Variants in CDH11 observed in about 807,000 individuals in gnomAD.
The protein encoded by CDH11 is cadherin 11.
Under a neutral mutation model 67.8 loss-of-function variants are expected in CDH11, and 11 were observed. The observed-to-expected ratio is 0.16, with a 90% CI of 0.10 to 0.27. The LOEUF (loss-of-function observed/expected upper bound fraction) is 0.27. Among genes scored for constraint, CDH11 ranks in the 10% least tolerant of loss-of-function variants. CDH11 has a pLI of 1.00. For synonymous variants in CDH11, 419 were observed against 400.0 expected, an observed-to-expected ratio of 1.05 and a Z score of -0.57; for missense variants, 847 against 1,031.2, an observed-to-expected ratio of 0.82 and a Z score of 2.45.
At chr16:65,054,504 C>T (rs1567551536) in intron 1 of CDH11, among the ~76,000 whole-genome samples, 1 of 152,162 alleles carries the variant, frequency 6.6e-6, no homozygotes. Context: ...ACCCACAACA[C>T]CACGTTTTAG....
chr16:65,069,974 G>T (rs763610049), intron 1 of CDH11, among the ~76,000 whole-genome samples: 14 of 152,100 alleles, frequency 9.2e-5, no homozygotes, highest in Non-Finnish European at 1.3e-4. Flanking sequence ...CTCAAACCTG[G>T]ATAGAATTTC....
chr16:65,094,717 T>C (rs2142839193), intron 1 of CDH11: 1 of 152,196 alleles, frequency 6.6e-6, no homozygotes, highest in East Asian at 1.9e-4. Context: ...CAGAGGACTA[T>C]AAAAGAATAG....
intron 2 of CDH11, among the ~76,000 whole-genome samples, chr16:65,009,394 T>C (rs927979393): frequency 5.3e-5 from 8 of 152,140 alleles, no homozygotes; most frequent in African/African-American, 1.9e-4. Context: ...TGATCTTTGG[T>C]TTTTATTTTA....
At chr16:65,115,724 A>C (rs58405606) in intron 1 of CDH11, among the ~76,000 whole-genome samples, 14,899 of 147,350 alleles carry the variant, frequency 0.1, 1,059 homozygotes, top group East Asian at 0.19. Flanking sequence ...AAAAAAAACA[A>C]AAAAACAAAA....
At chr16:64,982,558 A>T (rs568392538) in intron 7 of CDH11, 258 of 414,596 alleles carry the variant, frequency 6.2e-4, no homozygotes, top group Non-Finnish European at 9.7e-4. Context: ...AACTTATTCT[A>T]TATAGCAACA....
intron 1 of CDH11, among the ~76,000 whole-genome samples, chr16:65,074,309 T>C (rs1481579434): frequency 6.6e-6 from 1 of 152,166 alleles, no homozygotes; most frequent in Non-Finnish European, 1.5e-5. Flanking sequence ...TGTCTGTCAC[T>C]GCCCTTCAGT....
intron 1 of CDH11, among the ~76,000 whole-genome samples, chr16:65,097,662 T>TA (rs1285428888): frequency 6.6e-6 from 1 of 151,532 alleles, no homozygotes; most frequent in African/African-American, 2.4e-5. Context: ...CTAAAAATGT[T>TA]AAGTATAACA....
Position 64,944,870 on chromosome 16 carries a change from T to C in CDH11, c.*2733A>G. 4.5e-6 allele frequency: 1 copy of C among 222,596 alleles called. No individual in the cohort carries two copies. 13.8% of individuals were successfully genotyped at this position (222,596 alleles called of 1,614,324 possible). A position where few individuals can be genotyped will look rare whatever the true frequency, so the allele number is the denominator to read the frequency against. On this transcript the variant is annotated 3_prime_UTR_variant, in exon 13 of 13. Transcript: ENST00000268603. ...TTTGGAAGGAGAGAAAATATCTTCT[T>C]GCATTTTCTAGGAGGGCAAATAGGT...
intron 3 of CDH11, among the ~76,000 whole-genome samples, 186 bp downstream of exon 3, chr16:65,004,456 G>C (rs955657281): frequency 6.6e-6 from 1 of 152,164 alleles, no homozygotes; most frequent in African/African-American, 2.4e-5. Context: ...ACATGGATAA[G>C]TCTATTATTT....
intron 2 of CDH11, among the ~76,000 whole-genome samples, chr16:65,039,307 A>T (rs1420078413): frequency 1.3e-5 from 2 of 152,186 alleles, no homozygotes; most frequent in African/African-American, 4.8e-5. Context: ...CTGACTTCAA[A>T]CTATACTACA....
At chr16:64,989,312 G>A (rs2072570845) in intron 6 of CDH11, among the ~76,000 whole-genome samples, 1 of 151,966 alleles carries the variant, frequency 6.6e-6, no homozygotes, top group Non-Finnish European at 1.5e-5. Flanking sequence ...GTGTATGAAT[G>A]TGAGCTATTT....
At chr16:64,960,658 T>C (rs1425466120) in intron 11 of CDH11, among the ~76,000 whole-genome samples, 2 of 152,132 alleles carry the variant, frequency 1.3e-5, no homozygotes, top group Admixed American at 1.3e-4. Context: ...GAGCATGGCA[T>C]ATTTCAGAAA....
intron 1 of CDH11, among the ~76,000 whole-genome samples, chr16:65,102,473 C>A (rs981115375): frequency 2.6e-5 from 4 of 152,370 alleles, no homozygotes; most frequent in South Asian, 4.1e-4. Flanking sequence ...CAATAAATCA[C>A]CCTTCCTTTA....
chr16:65,001,413 A>G (rs2072916417), intron 3 of CDH11, among the ~76,000 whole-genome samples: 1 of 152,104 alleles, frequency 6.6e-6, no homozygotes, highest in African/African-American at 2.4e-5. Context: ...TCTGCCCCAC[A>G]CCGCCATCTT....
intron 8 of CDH11, 159 bp downstream of exon 8, chr16:64,981,889 A>C: frequency 3.3e-6 from 2 of 603,588 alleles, no homozygotes; most frequent in Non-Finnish European, 5.6e-6. Context: ...GGTGAAGGGA[A>C]GCTCATGTCT....
chr16:65,040,781 A>C (rs750024582), intron 2 of CDH11, among the ~76,000 whole-genome samples: 30 of 152,208 alleles, frequency 2.0e-4, no homozygotes, highest in Non-Finnish European at 4.1e-4. Flanking sequence ...TATATAATTC[A>C]TGTATCATAA....
intron 1 of CDH11, among the ~76,000 whole-genome samples, chr16:65,091,506 G>A (rs2074791938): frequency 6.6e-6 from 1 of 151,584 alleles, no homozygotes; most frequent in Non-Finnish European, 1.5e-5. Context: ...TACAATAGAA[G>A]AAAGATTTAT....
chr16:65,084,489 C>G (rs1324776164), intron 1 of CDH11, among the ~76,000 whole-genome samples: 1 of 143,060 alleles, frequency 7.0e-6, no homozygotes, highest in African/African-American at 2.4e-5. Flanking sequence ...AGAAGCCTAT[C>G]TAAAGATTAA....
At chr16:65,054,187 C>T (rs2074105768) in intron 1 of CDH11, among the ~76,000 whole-genome samples, 1 of 152,180 alleles carries the variant, frequency 6.6e-6, no homozygotes, top group Non-Finnish European at 1.5e-5. Flanking sequence ...AGCAATCCTA[C>T]ACACAACTTC....
Sources: allele counts gnomAD v4.1 joint callset (sites outside exome capture counted in the v4.1 genomes callset), GRCh38; gene constraint gnomAD v4.1.1; transcripts MANE v1.5; gene names NCBI Gene and HGNC (gene_info 2026-07-23, HGNC 2026-07-21).